The following NXPH1 variants were observed in gnomAD, a reference collection of about 807,000 sequenced individuals.
NXPH1 encodes the protein neurexophilin 1.
Under a neutral mutation model 23.7 loss-of-function variants are expected in NXPH1, and 5 were observed. The observed-to-expected ratio is 0.21, with a 90% CI of 0.11 to 0.44. NXPH1 has a LOEUF of 0.44. NXPH1 is among the 20% of genes least tolerant of loss of function. The pLI is 0.99. For missense variants in NXPH1, 324 were observed against 321.6 expected (o/e 1.01, Z -0.06); for synonymous variants, 144 against 122.2 (o/e 1.18, Z -1.18).
intron 2 of NXPH1, among the ~76,000 whole-genome samples, chr7:8,738,472 G>A (rs1780301012): frequency 6.6e-6 from 1 of 152,200 alleles, no homozygotes; most frequent in African/African-American, 2.4e-5. Flanking sequence ...AGCAAAGATT[G>A]CTGCCTGTTC....
chr7:8,732,513 T>C (rs1457609781), intron 2 of NXPH1, among the ~76,000 whole-genome samples: 2 of 152,208 alleles, frequency 1.3e-5, no homozygotes, highest in African/African-American at 4.8e-5. Context: ...TTCCTACATA[T>C]AGAACACTTC....
chr7:8,483,796 C>G (rs914786071), intron 2 of NXPH1, among the ~76,000 whole-genome samples: 8 of 152,090 alleles, frequency 5.3e-5, no homozygotes, highest in African/African-American at 1.9e-4. Context: ...ACCAGATGTT[C>G]TCCAAGGTCC....
chr7:8,747,766 C>T (rs1010332906), intron 2 of NXPH1, among the ~76,000 whole-genome samples: 11 of 146,694 alleles, frequency 7.5e-5, no homozygotes, highest in South Asian at 4.2e-4. Flanking sequence ...ATTTTATTCA[C>T]GCACACACAC....
At chr7:8,629,254 C>T (rs79685610) in intron 2 of NXPH1, among the ~76,000 whole-genome samples, 6,530 of 152,124 alleles carry the variant, frequency 0.043, 317 homozygotes, top group East Asian at 0.17. Flanking sequence ...TAAGCATTCC[C>T]TTTGTACCCA....
chr7:8,459,065 T>C (rs1816647444), intron 2 of NXPH1, among the ~76,000 whole-genome samples: 1 of 151,984 alleles, frequency 6.6e-6, no homozygotes, highest in East Asian at 1.9e-4. Flanking sequence ...TTTTTGATTC[T>C]GATCTATTCA....
intron 2 of NXPH1, among the ~76,000 whole-genome samples, chr7:8,725,193 G>A (rs374642285): frequency 2.0e-4 from 31 of 152,242 alleles, no homozygotes; most frequent in African/African-American, 6.0e-4. Flanking sequence ...GAGCTATGCC[G>A]AAGAACCCAT....
In NXPH1 at chr7:8,546,358, T is replaced by C. The variant is rs186763291; in HGVS notation, c.54+110591T>C. Among the ~76,000 whole-genome samples the C allele has an allele frequency of 5.3e-5, 8 of 151,554 alleles. No individual in the cohort carries two copies. In the East Asian group the frequency reaches 1.6e-3, roughly 30 times the overall value. On this transcript the variant is annotated intron_variant, in intron 2 of 2. Transcript: ENST00000405863. ...TCATTACTGAAACGAGATGGGGATA[T>C]TCTTTACTAGTGGTTTTTGGGCCTA...
intron 2 of NXPH1, among the ~76,000 whole-genome samples, chr7:8,565,709 T>C (rs1003982624): frequency 6.6e-5 from 10 of 151,918 alleles, no homozygotes; most frequent in Admixed American, 5.9e-4. Context: ...CACTGGTGTG[T>C]TTAGGTGCCC....
intron 2 of NXPH1, among the ~76,000 whole-genome samples, chr7:8,721,568 G>A (rs1779970906): frequency 6.6e-6 from 1 of 152,126 alleles, no homozygotes; most frequent in African/African-American, 2.4e-5. Context: ...GAGGTCAGGA[G>A]ATCGAGACCA....
intron 2 of NXPH1, among the ~76,000 whole-genome samples, chr7:8,454,231 A>C (rs1816552928): frequency 1.3e-5 from 2 of 152,230 alleles, no homozygotes; most frequent in Admixed American, 1.3e-4. Flanking sequence ...CTGAAATTAA[A>C]ATGAAAGTTT....
intron 2 of NXPH1, among the ~76,000 whole-genome samples, chr7:8,536,066 A>G (rs1818020764): frequency 6.6e-6 from 1 of 152,000 alleles, no homozygotes. Flanking sequence ...TACTTTTGTA[A>G]TAGGAATCAC....
intron 2 of NXPH1, among the ~76,000 whole-genome samples, chr7:8,598,115 G>C (rs1006665393): frequency 2.6e-5 from 4 of 152,074 alleles, no homozygotes; most frequent in Non-Finnish European, 5.9e-5. Context: ...CTCATATATA[G>C]AGCATATGTC....
intron 2 of NXPH1, among the ~76,000 whole-genome samples, chr7:8,585,980 A>G (rs1469756969): frequency 2.6e-5 from 4 of 152,192 alleles, no homozygotes; most frequent in African/African-American, 9.7e-5. Flanking sequence ...GGGATAAAAC[A>G]TTATAGAAAG....
intron 2 of NXPH1, among the ~76,000 whole-genome samples, chr7:8,699,341 T>C (rs1779583956): frequency 6.6e-6 from 1 of 152,094 alleles, no homozygotes; most frequent in Non-Finnish European, 1.5e-5. Flanking sequence ...AACTACTAAT[T>C]GTTTATTAGA....
At chr7:8,629,316 A>C (rs1473149596) in intron 2 of NXPH1, among the ~76,000 whole-genome samples, 1 of 152,286 alleles carries the variant, frequency 6.6e-6, no homozygotes, top group Middle Eastern at 3.4e-3. Flanking sequence ...GTGGATGGAC[A>C]TTGAAAATGG....
intron 2 of NXPH1, among the ~76,000 whole-genome samples, chr7:8,534,969 CA>C (rs1241189797): frequency 6.6e-6 from 1 of 151,776 alleles, no homozygotes; most frequent in African/African-American, 2.4e-5. Context: ...AGCAAATAGA[CA>C]AAAAGAAAAA....
At chr7:8,743,884 G>C (rs1182863232) in intron 2 of NXPH1, among the ~76,000 whole-genome samples, 2 of 151,704 alleles carry the variant, frequency 1.3e-5, no homozygotes, top group African/African-American at 4.8e-5. Flanking sequence ...CGGGGTTTCA[G>C]TGTGTTAGCC....
At chr7:8,674,984 C>G (rs1456512283) in intron 2 of NXPH1, among the ~76,000 whole-genome samples, 1 of 152,150 alleles carries the variant, frequency 6.6e-6, no homozygotes, top group Non-Finnish European at 1.5e-5. Flanking sequence ...AACTTAGTGA[C>G]AGAGCAACCC....
rs115740504 is a variant in NXPH1 at position 8,668,248 on chromosome 7, G to A, written c.55-82760G>A. Among the ~76,000 whole-genome samples the A allele has an allele frequency of 9.9e-3, 1,169 of 117,840 alleles. 18 individuals are homozygous for A. Among genetic ancestry groups the A allele is most frequent in the African/African-American group, 0.032 (1,096 of 34,212 alleles). The allele number at this position is 117,840 out of a possible 152,430, so 77.3% of individuals were successfully genotyped here. ...TATTGTATTCTTTTGATGGTGTTATGTCTCTTTGTTTTTTTTTTTTTATTT... is the reference window on the plus strand; with the variant it reads ...TATTGTATTCTTTTGATGGTGTTATATCTCTTTGTTTTTTTTTTTTTATTT... On this transcript the variant is annotated intron_variant, in intron 2 of 2. Coordinates refer to ENST00000405863, the MANE Select transcript of NXPH1 (RefSeq NM_152745.3).
Sources: allele counts gnomAD v4.1 joint callset (sites outside exome capture counted in the v4.1 genomes callset), GRCh38; gene constraint gnomAD v4.1.1; transcripts MANE v1.5; gene names NCBI Gene and HGNC (gene_info 2026-07-23, HGNC 2026-07-21).